The following EGFR variants were observed in gnomAD, a reference collection of about 807,000 sequenced individuals.
EGFR encodes the protein epidermal growth factor receptor.
A neutral mutation model predicts 143.0 loss-of-function variants in EGFR; 58 were observed. The ratio of observed to expected loss-of-function variants is 0.41; its 90% confidence interval spans 0.33 to 0.50. The LOEUF is 0.50. Ranked by LOEUF, EGFR falls within the 20% of genes least tolerant of loss-of-function variation. The probability of loss-of-function intolerance (pLI) is 0.39; values close to 1 mark genes in which losing one functional copy is unlikely to be tolerated. For synonymous variants in EGFR, 613 were observed against 594.4 expected (o/e 1.03, Z -0.45); for missense variants, 1,307 against 1,579.0 (o/e 0.83, Z 2.92).
intron 1 of EGFR, among the ~76,000 whole-genome samples, chr7:55,101,936 G>A (rs1791856476): frequency 6.6e-6 from 1 of 152,146 alleles, no homozygotes; most frequent in Admixed American, 6.5e-5. Flanking sequence ...CTTGGATCAC[G>A]TGGTGAGGGG....
intron 27 of EGFR, chr7:55,203,149 TACACAG>T (rs1280862479): frequency 1.7e-5 from 4 of 230,352 alleles, no homozygotes; most frequent in African/African-American, 9.5e-5. Flanking sequence ...ACCACACACA[TACACAG>T]ACACCACACA....
chr7:55,023,435 GC>G (rs1786689037), intron 1 of EGFR, among the ~76,000 whole-genome samples: 2 of 152,194 alleles, frequency 1.3e-5, no homozygotes, highest in East Asian at 3.9e-4. Flanking sequence ...GAATCATGAA[GC>G]CAGGAGTTTG....
intron 15 of EGFR, among the ~76,000 whole-genome samples, chr7:55,166,557 T>C (rs1473723446): frequency 6.6e-6 from 1 of 152,220 alleles, no homozygotes; most frequent in Non-Finnish European, 1.5e-5. Flanking sequence ...GATAGCATCA[T>C]TGATGGTGGG....
intron 1 of EGFR, among the ~76,000 whole-genome samples, chr7:55,020,894 A>T (rs548964923): frequency 6.6e-6 from 1 of 151,766 alleles, no homozygotes; most frequent in Non-Finnish European, 1.5e-5. Flanking sequence ...TTAAAAAAAA[A>T]AAAATCAAAA....
rs770529788 is a variant in EGFR, at chr7:55,198,778, C to T, written c.2763C>T (p.Ser921=). 49 of 1,614,068 alleles carry T rather than the reference C, an allele frequency of 3.0e-5. No homozygotes were observed. The highest frequency in any genetic ancestry group is 3.8e-5 in the Non-Finnish European group (45 of 1,180,048). ...AGCCATATGACGGAATCCCTGCCAG[C>T]GAGATCTCCTCCATCCTGGAGAAAG... ...GSKPYDGIPA[S]EISSILEKGE... is the part of the protein sequence containing the mutation. Residue 921 remains serine, a synonymous_variant, in exon 23 of 28, where the codon AGC becomes AGT. Transcript: ENST00000275493.
Position 55,135,279 on chromosome 7 carries a change from G to A in EGFR, c.89-7007G>A, listed in dbSNP as rs141911729. Among the ~76,000 whole-genome samples, 414 of 151,760 alleles carry A rather than the reference G, an allele frequency of 2.7e-3. 1 individual carries two copies. The highest frequency in any genetic ancestry group is 4.9e-3 in the Admixed American group (74 of 15,216). ...GATGTTATTTTCAAGTCTTCTGCTT[G>A]TTAACTTAATTAGAGATACATGAGT... On this transcript the variant is annotated intron_variant, in intron 1 of 27. Coordinates refer to ENST00000275493, the MANE Select transcript of EGFR (RefSeq NM_005228.5).
intron 1 of EGFR, among the ~76,000 whole-genome samples, chr7:55,103,220 T>G (rs897373033): frequency 6.6e-6 from 1 of 152,224 alleles, no homozygotes; most frequent in African/African-American, 2.4e-5. Flanking sequence ...CATCCATTTA[T>G]GAAGTTGATG....
chr7:55,200,519 G>T (rs575054535), intron 24 of EGFR, 106 bp downstream of exon 24: 1 of 1,157,918 alleles, frequency 8.6e-7, no homozygotes, highest in South Asian at 1.3e-5. Flanking sequence ...GTCCCAGATC[G>T]CATTATTAAA....
chr7:55,143,216 G>T, intron 2 of EGFR, 89 bp from the exon 3 acceptor site: 12 of 1,409,318 alleles, frequency 8.5e-6, no homozygotes, highest in African/African-American at 1.4e-5. Context: ...GTTCAACTGG[G>T]CGTCCTAGGG....
At position 55,019,095 on chromosome 7, in the gene EGFR, G is replaced by T. The variant is rs1786348584; in HGVS notation, c.-183G>T. ...CACGGTGTGAGCGCCCGACGCGGCC[G>T]AGGCGGCCGGAGTCCCGAGCTAGCC... On this transcript the variant is annotated 5_prime_UTR_variant, in exon 1 of 28. Transcript: ENST00000275493. 9.3e-6 allele frequency: 3 copies of T among 324,056 alleles called. No homozygotes were observed. The highest frequency in any genetic ancestry group is 1.6e-5 in the Non-Finnish European group (3 of 184,912). The allele number at this position is 324,056 out of a possible 1,614,324, so 20.1% of individuals were successfully genotyped here. A position where few individuals can be genotyped will look rare whatever the true frequency, so the allele number is the denominator to read the frequency against.
intron 11 of EGFR, among the ~76,000 whole-genome samples, chr7:55,159,203 T>A (rs1452245513): frequency 6.6e-6 from 1 of 152,130 alleles, no homozygotes; most frequent in Non-Finnish European, 1.5e-5. Flanking sequence ...CCCATCGTGG[T>A]CTGGCAGAGG....
chr7:55,200,596 G>C (rs2128970430), intron 24 of EGFR, 183 bp downstream of exon 24: 1 of 671,494 alleles, frequency 1.5e-6, no homozygotes, highest in Non-Finnish European at 2.7e-6. Context: ...CAGCATCCGT[G>C]AGTGGGGCCC....
chr7:55,201,762 G>C lies in EGFR; in HGVS notation c.3142G>C (p.Ala1048Pro), dbSNP rs1186558284. The C allele has an allele frequency of 6.2e-7, 1 of 1,614,056 alleles. No individual in the cohort carries two copies. The highest frequency in any genetic ancestry group is 8.5e-7 in the Non-Finnish European group (1 of 1,180,024). The part of the protein sequence containing the change: ...LSATSNNSTV[A>P]CIDRNGLQSC... ...TGCAACCAGCAACAATTCCACCGTG[G>C]CTTGCATTGATAGAAATGGGGTATG... The change falls in exon 26 of 28, where the codon GCT becomes CCT. Residue 1048 changes from alanine to proline, a missense_variant. Physicochemically the swap from Ala to Pro is conservative, Grantham distance 27. Around this residue, in one of 7 missense-constraint regions of EGFR, gnomAD observed 313 missense variants for 312.3 expected, o/e 1.00. Coordinates refer to ENST00000275493, the MANE Select transcript of EGFR (RefSeq NM_005228.5).
intron 1 of EGFR, among the ~76,000 whole-genome samples, chr7:55,046,162 G>A (rs879779989): frequency 7.9e-5 from 12 of 152,104 alleles, no homozygotes; most frequent in Admixed American, 7.2e-4. Flanking sequence ...CTGTGGGGAG[G>A]TTCTCAGAAA....
At chr7:55,098,921 G>C (rs1791638824) in intron 1 of EGFR, among the ~76,000 whole-genome samples, 1 of 152,186 alleles carries the variant, frequency 6.6e-6, no homozygotes, top group Non-Finnish European at 1.5e-5. Context: ...CGAGTCTTCT[G>C]ATTTCGAAGC....
At chr7:55,137,718 G>A (rs887486712) in intron 1 of EGFR, among the ~76,000 whole-genome samples, 7 of 152,182 alleles carry the variant, frequency 4.6e-5, no homozygotes, top group African/African-American at 1.4e-4. Context: ...TGTGACATAA[G>A]GCTTGCTCAA....
chr7:55,166,838 T>TTGA (rs1786038449), intron 15 of EGFR, among the ~76,000 whole-genome samples: 3 of 62,944 alleles, frequency 4.8e-5, no homozygotes, highest in Non-Finnish European at 6.6e-5. Flanking sequence ...GGTGGCAGTG[T>TTGA]TGGTGGTGAG....
intron 1 of EGFR, among the ~76,000 whole-genome samples, chr7:55,048,311 C>T (rs1466031379): frequency 1.3e-5 from 2 of 152,140 alleles, no homozygotes; most frequent in Non-Finnish European, 2.9e-5. Flanking sequence ...TTCCAGGGCC[C>T]TGCTCAGAAT....
At chr7:55,077,233 G>A (rs1790178744) in intron 1 of EGFR, among the ~76,000 whole-genome samples, 1 of 152,088 alleles carries the variant, frequency 6.6e-6, no homozygotes, top group Non-Finnish European at 1.5e-5. Context: ...ATTCTTTGCT[G>A]GGTGTGGTAT....
Sources: gnomAD v4.1 joint callset for allele counts (sites outside exome capture counted in the v4.1 genomes callset) on GRCh38, gnomAD v4.1.1 for gene constraint, gnomAD v4.1.1 regional missense constraint, MANE v1.5 for transcripts, NCBI Gene and HGNC (gene_info 2026-07-23, HGNC 2026-07-21) for gene names.